Variants in SOX6 observed in about 807,000 individuals in gnomAD.
The protein encoded by SOX6 is transcription factor SOX-6.
SOX6 carries 11 observed loss-of-function variants against 97.8 expected under a neutral mutation model. That is an observed-to-expected ratio of 0.11 (90% CI 0.07 to 0.19). SOX6 has a LOEUF of 0.19. SOX6 is among the 10% of genes least tolerant of loss of function. The probability of loss-of-function intolerance (pLI) is 1.00; values close to 1 mark genes in which losing one functional copy is unlikely to be tolerated. For missense variants in SOX6, 810 were observed against 1,039.5 expected, an observed-to-expected ratio of 0.78 and a Z score of 3.04; for synonymous variants, 360 against 371.4, an observed-to-expected ratio of 0.97 and a Z score of 0.35.
chr11:16,294,797 G>C (rs1855021548), intron 3 of SOX6, among the ~76,000 whole-genome samples: 1 of 151,940 alleles, frequency 6.6e-6, no homozygotes, highest in Admixed American at 6.6e-5. Context: ...CTTCTGAATT[G>C]TTTAAGGGGA....
chr11:16,596,483 T>C lies in SOX6; in HGVS notation n.609+15598A>G, dbSNP rs373765135. On this transcript the variant is annotated intron_variant and non_coding_transcript_variant, in intron 4 of 5. Transcript: ENST00000524520. Reference sequence around the variant, plus strand: ...ATCTACAGAAAAGCTAGTTATACTGTCAAATGTTCCCCCATGTTCAGTGCT... The same window carrying C: ...ATCTACAGAAAAGCTAGTTATACTGCCAAATGTTCCCCCATGTTCAGTGCT... 2.6e-5 allele frequency among the ~76,000 whole-genome samples: 4 copies of C among 152,266 alleles called. No homozygotes were observed. In the East Asian group the frequency reaches 5.8e-4, roughly 22 times the overall value.
At chr11:16,167,474 G>A (rs1850917232) in intron 6 of SOX6, among the ~76,000 whole-genome samples, 1 of 152,034 alleles carries the variant, frequency 6.6e-6, no homozygotes, top group Non-Finnish European at 1.5e-5. Context: ...GTCAGGGCAC[G>A]CCGTTCTTTC....
intron 4 of SOX6, among the ~76,000 whole-genome samples, chr11:16,554,875 G>C (rs1847733921): frequency 6.6e-6 from 1 of 151,944 alleles, no homozygotes; most frequent in Non-Finnish European, 1.5e-5. Context: ...GCAATTGTGT[G>C]ATCTCTTACA....
At chr11:16,287,830 T>C (rs1345677770) in intron 3 of SOX6, among the ~76,000 whole-genome samples, 3 of 152,120 alleles carry the variant, frequency 2.0e-5, no homozygotes, top group East Asian at 1.9e-4. Flanking sequence ...CTGGGAAGCT[T>C]TGTTGGGCCT....
At chr11:16,038,804 G>A (rs868245227) in intron 12 of SOX6, among the ~76,000 whole-genome samples, 6 of 152,012 alleles carry the variant, frequency 3.9e-5, no homozygotes, top group Admixed American at 1.3e-4. Context: ...CTAAACTAAG[G>A]CAAATAACTG....
At chr11:16,396,348 T>C (rs990655322) in intron 1 of SOX6, among the ~76,000 whole-genome samples, 2 of 151,734 alleles carry the variant, frequency 1.3e-5, no homozygotes, top group African/African-American at 4.8e-5. Context: ...TATATAGGAC[T>C]AAATAGTGCT....
At chr11:16,549,279 C>T (rs926169472) in intron 4 of SOX6, among the ~76,000 whole-genome samples, 4 of 152,164 alleles carry the variant, frequency 2.6e-5, no homozygotes, top group South Asian at 2.1e-4. Flanking sequence ...AAGGGATTCT[C>T]CTGCCTCAGC....
At chr11:16,619,272 G>A (rs1476559813) in intron 3 of SOX6, among the ~76,000 whole-genome samples, 2 of 149,510 alleles carry the variant, frequency 1.3e-5, no homozygotes, top group African/African-American at 4.9e-5. Context: ...AAAAATCACT[G>A]ATGTTTGTCC....
At chr11:16,374,185 T>C (rs2134398240) in intron 1 of SOX6, among the ~76,000 whole-genome samples, 1 of 152,184 alleles carries the variant, frequency 6.6e-6, no homozygotes, top group South Asian at 2.1e-4. Context: ...GGACTGCCTA[T>C]GAACTGAACT....
chr11:16,018,026 A>C (rs940490552), intron 12 of SOX6, among the ~76,000 whole-genome samples: 11 of 152,124 alleles, frequency 7.2e-5, no homozygotes, highest in African/African-American at 2.7e-4. Context: ...GTTATTGAAA[A>C]AAATTAAAGT....
chr11:16,656,611 A>G (rs1050756063), intron 3 of SOX6, among the ~76,000 whole-genome samples: 1 of 152,158 alleles, frequency 6.6e-6, no homozygotes, highest in Non-Finnish European at 1.5e-5. Context: ...ACTAATTCAT[A>G]CTTTTTATAC....
chr11:16,128,464 G>A (rs1459197759), intron 6 of SOX6, among the ~76,000 whole-genome samples: 2 of 152,094 alleles, frequency 1.3e-5, no homozygotes, highest in East Asian at 3.9e-4. Context: ...ATAAATGCCA[G>A]ATAAATGGCT....
intron 3 of SOX6, among the ~76,000 whole-genome samples, chr11:16,697,740 T>C (rs781291993): frequency 2.0e-5 from 3 of 152,246 alleles, no homozygotes; most frequent in African/African-American, 4.8e-5. Context: ...CCTTGGTCCA[T>C]GGGCTACAGA....
At chr11:16,566,538 A>T (rs1343349628) in intron 4 of SOX6, among the ~76,000 whole-genome samples, 1 of 152,234 alleles carries the variant, frequency 6.6e-6, no homozygotes, top group Non-Finnish European at 1.5e-5. Flanking sequence ...AGCCTATTGT[A>T]TCTCATCTAT....
chr11:16,030,550 C>A (rs1276632276), intron 12 of SOX6, among the ~76,000 whole-genome samples: 1 of 152,058 alleles, frequency 6.6e-6, no homozygotes, highest in African/African-American at 2.4e-5. Flanking sequence ...ATTAAATTAC[C>A]TTTTAAAATT....
intron 12 of SOX6, among the ~76,000 whole-genome samples, chr11:16,040,680 G>A (rs538104517): frequency 6.6e-6 from 1 of 151,960 alleles, no homozygotes; most frequent in East Asian, 1.9e-4. Context: ...TGTGTGTCTT[G>A]TTTTAGATTT....
intron 2 of SOX6, among the ~76,000 whole-genome samples, chr11:16,324,880 T>C (rs2134313389): frequency 6.6e-6 from 1 of 152,086 alleles, no homozygotes; most frequent in East Asian, 1.9e-4. Flanking sequence ...TGAGAAGTAG[T>C]GAATAGAACA....
At chr11:16,698,637 C>T (rs1165059558) in intron 3 of SOX6, among the ~76,000 whole-genome samples, 1 of 152,168 alleles carries the variant, frequency 6.6e-6, no homozygotes, top group African/African-American at 2.4e-5. Context: ...TCAATTATAG[C>T]TTTTGATTGA....
intron 4 of SOX6, among the ~76,000 whole-genome samples, chr11:16,497,210 C>G (rs1220907995): frequency 6.6e-6 from 1 of 152,202 alleles, no homozygotes; most frequent in Non-Finnish European, 1.5e-5. Flanking sequence ...CAAACAGGGA[C>G]TAGAGTGGAC....
Sources: allele counts gnomAD v4.1 joint callset (sites outside exome capture counted in the v4.1 genomes callset), GRCh38; gene constraint gnomAD v4.1.1; transcripts MANE v1.5; gene names NCBI Gene and HGNC (gene_info 2026-07-23, HGNC 2026-07-21).